The following HNF1A variants were observed in gnomAD, a reference collection of about 807,000 sequenced individuals.
HNF1A encodes the protein hepatocyte nuclear factor 1-alpha.
HNF1A carries 21 observed loss-of-function variants against 62.2 expected under a neutral mutation model. The observed-to-expected ratio is 0.34, with a 90% CI of 0.24 to 0.49. The LOEUF (loss-of-function observed/expected upper bound fraction) is 0.49. Among genes scored for constraint, HNF1A ranks in the 20% least tolerant of loss-of-function variants. HNF1A has a pLI of 0.99. For missense variants in HNF1A, 687 were observed against 832.3 expected, an observed-to-expected ratio of 0.83 and a Z score of 2.15; for synonymous variants, 374 against 366.8, an observed-to-expected ratio of 1.02 and a Z score of -0.22.
chr12:121,000,994 C>A (rs956343274), intron 9 of HNF1A, 71 bp from the exon 10 acceptor site: 35 of 1,602,904 alleles, frequency 2.2e-5, no homozygotes, highest in Non-Finnish European at 2.9e-5. Context: ...TCCTGAGTAC[C>A]CCTAGGGACA....
rs535276257 is a variant in HNF1A, at chr12:121,001,457, G to A, written c.*265G>A. The A allele has an allele frequency of 2.1e-5, 11 of 516,804 alleles. No homozygotes were observed. Among genetic ancestry groups the A allele is most frequent in the South Asian group, 4.1e-5 (2 of 49,110 alleles). 32.0% of individuals were successfully genotyped at this position (516,804 alleles called of 1,614,324 possible). A position where few individuals can be genotyped will look rare whatever the true frequency, so the allele number is the denominator to read the frequency against. Reference sequence around the variant, plus strand: ...CATGGCAGATGTAGGAGGGACTGTCGCTGCTTCGTGGGATACAGTCTTCTT... The same window carrying A: ...CATGGCAGATGTAGGAGGGACTGTCACTGCTTCGTGGGATACAGTCTTCTT... On this transcript the variant is annotated 3_prime_UTR_variant, in exon 10 of 10. Transcript: ENST00000257555.
intron 2 of HNF1A, among the ~76,000 whole-genome samples, chr12:120,991,320 G>A (rs1008138970): frequency 6.6e-6 from 1 of 152,208 alleles, no homozygotes; most frequent in East Asian, 1.9e-4. Flanking sequence ...CAGGCCGGGC[G>A]CAGTGGCTCA....
Position 120,989,028 on chromosome 12 carries a change from G to A in HNF1A, c.522G>A (p.Ala174=), listed in dbSNP as rs149278462. ...TWYVRKQREV[A]QQFTHAGQGG... is the part of the protein sequence containing the mutation. Reference sequence around the variant, plus strand: ...ACGTCCGCAAGCAGCGAGAGGTGGCGCAGCGTAAGTAATGACCCTACCCCG... The same window carrying A: ...ACGTCCGCAAGCAGCGAGAGGTGGCACAGCGTAAGTAATGACCCTACCCCG... The change falls in exon 2 of 10, where the codon GCG becomes GCA. Residue 174 remains alanine, a synonymous_variant. Coordinates refer to ENST00000257555, the MANE Select transcript of HNF1A (RefSeq NM_000545.8). 2.8e-5 allele frequency: 45 copies of A among 1,613,960 alleles called. No homozygotes were observed. The Middle Eastern group carries it at 4.9e-4, about 18-fold the overall frequency.
Position 120,994,320 on chromosome 12 carries a change from C to G in HNF1A, c.870C>G (p.Pro290=), listed in dbSNP as rs779008957. The G allele has an allele frequency of 2.1e-5, 34 of 1,610,226 alleles. No homozygotes were observed. Among genetic ancestry groups the G allele is most frequent in the African/African-American group, 5.3e-5 (4 of 74,886 alleles). ...KLAMDTYSGP[P]PGPGPGPALP... ...CCATGGACACGTACAGCGGGCCCCC[C>G]CCAGGGCCAGGCCCGGGACCTGCGC... The change falls in exon 4 of 10, where the codon CCC becomes CCG. Residue 290 remains proline, a synonymous_variant. Transcript: ENST00000257555.
rs1877312236 is a variant in HNF1A, at chr12:120,999,531, C to T, written c.1672C>T (p.Pro558Ser). The part of the protein sequence containing the change: ...EASSESGLHT[P>S]ASQATTLHVP... ...CTCCAGTGAGTCCGGGCTTCACACG[C>T]CGGCATCTCAGGCCACCACCCTCCA... Residue 558 changes from proline (P) to serine (S), a missense_variant, in exon 9 of 10, where the codon CCG becomes TCG. By Grantham distance (74) the Pro-to-Ser change is moderately conservative. Around this residue, in one of 5 missense-constraint regions of HNF1A, gnomAD observed 408 missense variants for 455.3 expected, o/e 0.90. Transcript: ENST00000257555. 3.1e-6 allele frequency: 5 copies of T among 1,613,340 alleles called. No homozygotes were observed. The South Asian group carries it at 4.4e-5, about 14-fold the overall frequency.
chr12:120,983,916 C>CTGTGTGTGTGTGTG (rs61680384), intron 1 of HNF1A, among the ~76,000 whole-genome samples: 27,168 of 136,906 alleles, frequency 0.2, 2,805 homozygotes, highest in Non-Finnish European at 0.25. Context: ...CTTGAAGACT[C>CTGTGTGTGTGTGTG]TGTGTGTGTG....
chr12:120,998,856 A>G (rs1438638232), intron 7 of HNF1A, among the ~76,000 whole-genome samples: 1 of 152,052 alleles, frequency 6.6e-6, no homozygotes, highest in African/African-American at 2.4e-5. Flanking sequence ...CTTAGTACAT[A>G]GCACCTGTGT....
rs143015301 is a variant in HNF1A at position 120,997,550 on chromosome 12, C to T, written c.1386C>T (p.Val462=). 2.4e-4 allele frequency: 393 copies of T among 1,613,532 alleles called. No individual in the cohort carries two copies. The highest frequency in any genetic ancestry group is 3.1e-4 in the Non-Finnish European group (366 of 1,180,006). ...MGSSLTTLQP[V]QFSQPLHPSY... The stretch of plus-strand genomic sequence containing the variant: ...GCAGCCTGACCACCCTGCAGCCCGT[C>T]CAGTTCTCCCAGCCGCTGCACCCCT... The change falls in exon 7 of 10, where the codon GTC becomes GTT. Residue 462 remains valine, a synonymous_variant. Coordinates refer to ENST00000257555, the MANE Select transcript of HNF1A (RefSeq NM_000545.8).
At chr12:120,981,809 A>G (rs1413228417) in intron 1 of HNF1A, among the ~76,000 whole-genome samples, 1 of 152,220 alleles carries the variant, frequency 6.6e-6, no homozygotes, top group African/African-American at 2.4e-5. Flanking sequence ...CCATGAAAAT[A>G]GAAGCTCTTC....
rs1877564191 is a variant in HNF1A at position 121,002,432 on chromosome 12, C to A, written c.*1240C>A. On this transcript the variant is annotated 3_prime_UTR_variant, in exon 10 of 10. Transcript: ENST00000257555. ...GGAAAAGGCCTGGGGTGACCCGGCA[C>A]CCCCTGCAGCTTGTAGCCAGCCGGG... The A allele has an allele frequency of 1.9e-6, 1 of 531,482 alleles. No homozygotes were observed. The highest frequency in any genetic ancestry group is 2.2e-5 in the Admixed American group (1 of 44,790). 32.9% of individuals were successfully genotyped at this position (531,482 alleles called of 1,614,324 possible).
chr12:120,982,224 C>G lies in HNF1A; in HGVS notation c.326+3130C>G, dbSNP rs955844251. ...AGCTGGGATTACAGGCATGCACCACCACGCCTGGCTGATTTTTTGTATTTT... is the reference window on the plus strand; with the variant it reads ...AGCTGGGATTACAGGCATGCACCACGACGCCTGGCTGATTTTTTGTATTTT... On this transcript the variant is annotated intron_variant, in intron 1 of 9. Transcript: ENST00000257555. Among the ~76,000 whole-genome samples, 5 of 152,254 alleles carry G rather than the reference C, an allele frequency of 3.3e-5. No homozygotes were observed. In the East Asian group the frequency reaches 9.7e-4, roughly 29 times the overall value.
chr12:120,995,205 C>T (rs2135843865), intron 4 of HNF1A, among the ~76,000 whole-genome samples: 1 of 151,558 alleles, frequency 6.6e-6, no homozygotes, highest in Admixed American at 6.6e-5. Flanking sequence ...CTACATTCAA[C>T]TCTACTCCAT....
In HNF1A at chr12:121,001,328, TGCTCTGATGCATCAGAAAGGGAGG is replaced by T. The variant is rs1316951765; in HGVS notation, c.*144_*167del. On this transcript the variant is annotated 3_prime_UTR_variant, in exon 10 of 10. Transcript: ENST00000257555. ...GACAGCTGTGCCTCGCTCCCCACTC[TGCTCTGATGCATCAGAAAGGGAGG>T]GCTCTGAGGCGCCCCAACCCGTGGA... The T allele has an allele frequency of 9.3e-7, 1 of 1,076,556 alleles. No individual in the cohort carries two copies. Among genetic ancestry groups the T allele is most frequent in the Admixed American group, 2.1e-5 (1 of 47,454 alleles). The allele number at this position is 1,076,556 out of a possible 1,614,324, so 66.7% of individuals were successfully genotyped here.
chr12:120,990,975 A>G (rs1020616743), intron 2 of HNF1A, among the ~76,000 whole-genome samples: 3 of 152,168 alleles, frequency 2.0e-5, no homozygotes, highest in Non-Finnish European at 2.9e-5. Context: ...TAAATCCTGT[A>G]TATCTTTTCA....
intron 7 of HNF1A, chr12:120,998,064 G>A: frequency 6.7e-6 from 3 of 445,428 alleles, no homozygotes; most frequent in Non-Finnish European, 1.2e-5. Flanking sequence ...CAGATCACTT[G>A]AGGTCAGGAG....
Position 120,997,984 on chromosome 12 carries a change from G to T in HNF1A, c.1501+319G>T, listed in dbSNP as rs541015973. ...ATTTCTAAAATCTATTCAGATTTTAGAAAGGTAATCTGGGGCCAGGCGTGG... is the reference window on the plus strand; with the variant it reads ...ATTTCTAAAATCTATTCAGATTTTATAAAGGTAATCTGGGGCCAGGCGTGG... On this transcript the variant is annotated intron_variant, in intron 7 of 9. Coordinates refer to ENST00000257555, the MANE Select transcript of HNF1A (RefSeq NM_000545.8). 5.8e-5 allele frequency: 35 copies of T among 606,126 alleles called. No homozygotes were observed. The African/African-American group carries it at 6.1e-4, about 11-fold the overall frequency. 37.5% of individuals were successfully genotyped at this position (606,126 alleles called of 1,614,324 possible). A position where few individuals can be genotyped will look rare whatever the true frequency, so the allele number is the denominator to read the frequency against.
At chr12:120,990,646 GGAAAGGTAGGAAAGGGA>G in intron 2 of HNF1A, among the ~76,000 whole-genome samples, 1 of 98,498 alleles carries the variant, frequency 1.0e-5, no homozygotes, top group African/African-American at 4.3e-5. Flanking sequence ...AGGAAAGGGA[GGAAAGGTAGGAAAGGGA>G]GGAAAGGTAG....
intron 1 of HNF1A, among the ~76,000 whole-genome samples, chr12:120,981,285 C>T (rs1041269878): frequency 2.0e-5 from 3 of 152,272 alleles, no homozygotes; most frequent in South Asian, 4.1e-4. Flanking sequence ...GGGAAGAAGC[C>T]GGGGTGGGTC....
Position 121,001,481 on chromosome 12 carries a change from T to C in HNF1A, c.*289T>C. On this transcript the variant is annotated 3_prime_UTR_variant, in exon 10 of 10. Coordinates refer to ENST00000257555, the MANE Select transcript of HNF1A (RefSeq NM_000545.8). ...CGCTGCTTCGTGGGATACAGTCTTC[T>C]TACTTGGAACTGAAGGGGGCGGCCT... The C allele has an allele frequency of 2.1e-6, 1 of 483,526 alleles. No individual in the cohort carries two copies. Among genetic ancestry groups the C allele is most frequent in the Non-Finnish European group, 3.8e-6 (1 of 261,158 alleles). The allele number at this position is 483,526 out of a possible 1,614,324, so 30.0% of individuals were successfully genotyped here.
Sources: allele counts gnomAD v4.1 joint callset (sites outside exome capture counted in the v4.1 genomes callset), GRCh38; gene constraint gnomAD v4.1.1; regional missense constraint gnomAD v4.1.1; transcripts MANE v1.5; gene names NCBI Gene and HGNC (gene_info 2026-07-23, HGNC 2026-07-21).